QKI: variants seen among roughly 807,000 people sequenced by gnomAD.
QKI encodes the protein KH domain-containing RNA-binding protein QKI.
A neutral mutation model predicts 39.0 loss-of-function variants in QKI; 10 were observed. That is an observed-to-expected ratio of 0.26 (90% CI 0.16 to 0.43). QKI has a LOEUF of 0.43. QKI is among the 20% of genes least tolerant of loss of function. The pLI is 1.00. For missense variants in QKI, 218 were observed against 428.0 expected, an observed-to-expected ratio of 0.51 and a Z score of 4.33; for synonymous variants, 204 against 155.4, an observed-to-expected ratio of 1.31 and a Z score of -2.33.
intron 1 of QKI, chr6:163,423,496 A>G (rs528426490): frequency 2.6e-5 from 4 of 152,294 alleles, no homozygotes; most frequent in East Asian, 3.9e-4. Flanking sequence ...CCTCTGTTCC[A>G]TTTTGTGGCG....
At chr6:163,544,891 T>G (rs1781774190) in intron 4 of QKI, among the ~76,000 whole-genome samples, 1 of 152,132 alleles carries the variant, frequency 6.6e-6, no homozygotes, top group African/African-American at 2.4e-5. Context: ...ACATTTTTTG[T>G]TTATATATTA....
chr6:163,457,541 G>C, intron 2 of QKI: 1 of 442,144 alleles, frequency 2.3e-6, no homozygotes, highest in Non-Finnish European at 4.6e-6. Flanking sequence ...TATTGAATCA[G>C]AAACTCTGGG....
At chr6:163,546,527 A>G (rs1288082466) in intron 4 of QKI, among the ~76,000 whole-genome samples, 1 of 152,012 alleles carries the variant, frequency 6.6e-6, no homozygotes, top group Non-Finnish European at 1.5e-5. Context: ...ACATTTTAAT[A>G]GTATATTAAA....
chr6:163,563,227 T>C (rs1294343572), intron 5 of QKI, among the ~76,000 whole-genome samples, 193 bp from the exon 6 acceptor site: 2 of 152,190 alleles, frequency 1.3e-5, no homozygotes, highest in Non-Finnish European at 2.9e-5. Context: ...CTTAATCACA[T>C]TGGGAAAGGG....
Position 163,547,325 on chromosome 6 carries a change from A to G in QKI, c.546+12200A>G, listed in dbSNP as rs545191439. Among the ~76,000 whole-genome samples the G allele has an allele frequency of 2.6e-5, 4 of 152,336 alleles. No individual in the cohort carries two copies. In the South Asian group the frequency reaches 8.3e-4, roughly 32 times the overall value. Reference sequence around the variant, plus strand: ...CTTAGATTTCATAATGTAAATGAGAATAGAACAAAATTACTGTGTTCTTAA... The same window carrying G: ...CTTAGATTTCATAATGTAAATGAGAGTAGAACAAAATTACTGTGTTCTTAA... On this transcript the variant is annotated intron_variant, in intron 4 of 7. Coordinates refer to ENST00000361752, the MANE Select transcript of QKI (RefSeq NM_006775.3).
intron 2 of QKI, among the ~76,000 whole-genome samples, chr6:163,470,030 G>C (rs1243776882): frequency 3.4e-4 from 52 of 151,920 alleles, no homozygotes; most frequent in Admixed American, 3.4e-3. Context: ...GGATACAATA[G>C]GAAAAAAAAT....
At chr6:163,514,744 A>G (rs941866423) in intron 3 of QKI, among the ~76,000 whole-genome samples, 1 of 152,224 alleles carries the variant, frequency 6.6e-6, no homozygotes, top group African/African-American at 2.4e-5. Context: ...TTGCATATGC[A>G]AAAATAAATC....
intron 1 of QKI, among the ~76,000 whole-genome samples, chr6:163,447,376 T>C (rs1790237814): frequency 6.6e-6 from 1 of 152,018 alleles, no homozygotes; most frequent in Non-Finnish European, 1.5e-5. Flanking sequence ...TTCTCTCTTC[T>C]AGCTACTTTG....
intron 1 of QKI, among the ~76,000 whole-genome samples, chr6:163,439,986 A>G (rs1789643540): frequency 6.6e-6 from 1 of 152,164 alleles, no homozygotes; most frequent in Admixed American, 6.5e-5. Flanking sequence ...ATGAGTAAAT[A>G]TGGATGGTGA....
chr6:163,445,633 T>A (rs1173222471), intron 1 of QKI, among the ~76,000 whole-genome samples: 1 of 150,718 alleles, frequency 6.6e-6, no homozygotes, highest in Non-Finnish European at 1.5e-5. Flanking sequence ...TTTTTTTTTT[T>A]AGTTGGAGTC....
rs1184839318 is a variant in QKI, at chr6:163,571,666, GA to G, written c.*963del. ...TTTACTATACAAGGGTGCTGGTGCAGAAAAAAATATATATATTTTTGGAAAT... is the reference window on the plus strand; with the variant it reads ...TTTACTATACAAGGGTGCTGGTGCAGAAAAAATATATATATTTTTGGAAAT... On this transcript the variant is annotated 3_prime_UTR_variant, in exon 8 of 8. Coordinates refer to ENST00000361752, the MANE Select transcript of QKI (RefSeq NM_006775.3). The G allele has an allele frequency of 6.7e-6, 1 of 149,304 alleles. No individual in the cohort carries two copies. Among genetic ancestry groups the G allele is most frequent in the Non-Finnish European group, 1.5e-5 (1 of 67,508 alleles). The allele number at this position is 149,304 out of a possible 1,614,324, so 9.2% of individuals were successfully genotyped here.
chr6:163,531,265 G>T (rs536317396), intron 3 of QKI, among the ~76,000 whole-genome samples: 2 of 152,294 alleles, frequency 1.3e-5, no homozygotes, highest in Non-Finnish European at 2.9e-5. Flanking sequence ...CTCTGCATTT[G>T]GAGCAGGGGA....
chr6:163,508,489 CT>C (rs1268084811), intron 3 of QKI, among the ~76,000 whole-genome samples: 3 of 151,040 alleles, frequency 2.0e-5, no homozygotes, highest in African/African-American at 4.9e-5. Context: ...AGTAAAATAT[CT>C]TTTTTTCTTT....
At chr6:163,565,081 C>T (rs1453251442) in intron 6 of QKI, 1 of 1,045,248 alleles carries the variant, frequency 9.6e-7, no homozygotes, top group Non-Finnish European at 1.2e-6. Context: ...TTTCATTGTA[C>T]ATGTTTTCTG....
chr6:163,567,069 A>G, intron 7 of QKI: 1 of 1,080,962 alleles, frequency 9.3e-7, no homozygotes, highest in South Asian at 3.8e-5. Context: ...TTGGGGAGCT[A>G]TTAAATTTTG....
intron 1 of QKI, among the ~76,000 whole-genome samples, chr6:163,425,242 C>T (rs904175640): frequency 3.1e-4 from 47 of 152,060 alleles, no homozygotes; most frequent in African/African-American, 1.1e-3. Flanking sequence ...TGCAGCATTG[C>T]CAGCACCATG....
chr6:163,489,424 C>CTGTGTGTGTGTGTGTGTGTGTGTGTG (rs66826538), intron 3 of QKI, among the ~76,000 whole-genome samples: 1 of 148,942 alleles, frequency 6.7e-6, no homozygotes, highest in African/African-American at 2.5e-5. Context: ...AGAAGTTATG[C>CTGTGTGTGTGTGTGTGTGTGTGTGTG]TGTGTGTGTG....
chr6:163,552,122 GAAAAT>G (rs1782266296), intron 4 of QKI, among the ~76,000 whole-genome samples: 2 of 148,238 alleles, frequency 1.3e-5, no homozygotes, highest in East Asian at 2.0e-4. Context: ...CTACAGAAAA[GAAAAT>G]GTTATTAAGA....
intron 1 of QKI, among the ~76,000 whole-genome samples, chr6:163,436,161 GT>G (rs1387869961): frequency 6.6e-6 from 1 of 152,164 alleles, no homozygotes; most frequent in Non-Finnish European, 1.5e-5. Flanking sequence ...TCCAAGCAAG[GT>G]AAATGTTTAA....
Sources: gnomAD v4.1 joint callset for allele counts (sites outside exome capture counted in the v4.1 genomes callset) on GRCh38, gnomAD v4.1.1 for gene constraint, MANE v1.5 for transcripts, NCBI Gene and HGNC (gene_info 2026-07-23, HGNC 2026-07-21) for gene names.